ZNF816: variants seen among roughly 807,000 people sequenced by gnomAD.
ZNF816 encodes zinc finger protein 816A.
ZNF816 carries 11 observed loss-of-function variants against 8.3 expected under a neutral mutation model. The ratio of observed to expected loss-of-function variants is 1.32; its 90% CI spans 0.83 to 2.19. The LOEUF is 2.19. Among genes scored for constraint, ZNF816 ranks in the 30% most tolerant of loss-of-function variants. ZNF816 has a pLI of 0.00. For synonymous variants in ZNF816, 255 were observed against 254.5 expected, an observed-to-expected ratio of 1.00 and a Z score of -0.02; for missense variants, 710 against 779.3, an observed-to-expected ratio of 0.91 and a Z score of 1.06.
intron 3 of ZNF816, 59 bp downstream of exon 3, chr19:52,952,692 A>T (rs1234970703): frequency 6.2e-7 from 1 of 1,602,792 alleles, no homozygotes; most frequent in Non-Finnish European, 8.5e-7. Flanking sequence ...ATATAAAACC[A>T]GAAAGAGCCA....
At position 52,957,560 on chromosome 19, in the gene ZNF816, A is replaced by G. The variant is rs2083520491; in HGVS notation, c.-15-1456T>C. On this transcript the variant is annotated intron_variant, in intron 1 of 3. Coordinates refer to ENST00000444460, the MANE Select transcript of ZNF816 (RefSeq NM_001202457.3). This position sits in a 1 kb window ranked among gnomAD's most constrained non-coding sequence, Gnocchi z 4.6. Reference sequence around the variant, plus strand: ...GGAGGACCAGGCTCAACTGCCCCCAAGGAGCCCATGGTCAAGATGACAGTT... The same window carrying G: ...GGAGGACCAGGCTCAACTGCCCCCAGGGAGCCCATGGTCAAGATGACAGTT... Among the ~76,000 whole-genome samples, 1 of 152,228 alleles carries G rather than the reference A, an allele frequency of 6.6e-6. No homozygotes were observed. The highest frequency in any genetic ancestry group is 6.5e-5 in the Admixed American group (1 of 15,280).
intron 3 of ZNF816, chr19:52,952,393 CA>C: frequency 2.5e-6 from 1 of 396,946 alleles, no homozygotes; most frequent in Non-Finnish European, 4.4e-6. Flanking sequence ...AAAAAGAAAA[CA>C]AAACCACAAG....
chr19:52,953,545 CAATATTAT>C (rs2083482008), intron 2 of ZNF816, among the ~76,000 whole-genome samples: 1 of 41,176 alleles, frequency 2.4e-5, no homozygotes, highest in African/African-American at 6.0e-4. Flanking sequence ...ATATATAATA[CAATATTAT>C]ATATAATATG....
At position 52,952,894 on chromosome 19, in the gene ZNF816, G is replaced by A. The variant is rs746714099; in HGVS notation, c.64-17C>T. On this transcript the variant is annotated splice_polypyrimidine_tract_variant and intron_variant, in intron 2 of 3. Transcript: ENST00000444460. ...CAAGCGTCCCTAAAATAAAAAACAC[G>A]TTTCAACAAAACATTATGGAGGAGT... is the stretch of plus-strand genomic sequence containing the variant. The A allele has an allele frequency of 1.3e-5, 21 of 1,585,426 alleles. No homozygotes were observed. Among genetic ancestry groups the A allele is most frequent in the Admixed American group, 2.0e-5 (1 of 50,750 alleles).
In ZNF816 at chr19:52,950,506, T is replaced by G. The variant is rs373861117; in HGVS notation, c.1269A>C (p.Gly423=). Residue 423 remains glycine (G), a synonymous_variant, in exon 4 of 4, where the codon GGA becomes GGC. Coordinates refer to ENST00000444460, the MANE Select transcript of ZNF816 (RefSeq NM_001202457.3). ...ERHRKIHTGE[G]SYKCKVCDKV... The stretch of plus-strand genomic sequence containing the variant: ...TGTCACAAACCTTACATTTGTATGA[T>G]CCCTCTCCAGTATGAATCTTCCTAT... The G allele has an allele frequency of 4.3e-6, 7 of 1,613,460 alleles. No individual in the cohort carries two copies. The African/African-American group carries it at 8.0e-5, about 18-fold the overall frequency.
chr19:52,950,704 T>G lies in ZNF816; in HGVS notation c.1071A>C (p.Val357=). ...CTCCAGTATGAATTGCCTTATGAAT[T>G]ACAAGGGCTGAATTTCGACCAAAAG... ...GKTFGRNSAL[V]IHKAIHTGEK... Residue 357 remains valine, a synonymous_variant, in exon 4 of 4, where the codon GTA becomes GTC. Coordinates refer to ENST00000444460, the MANE Select transcript of ZNF816 (RefSeq NM_001202457.3). 1 of 1,614,160 alleles carries G rather than the reference T, an allele frequency of 6.2e-7. No homozygotes were observed. The highest frequency in any genetic ancestry group is 8.5e-7 in the Non-Finnish European group (1 of 1,180,028).
intron 1 of ZNF816, among the ~76,000 whole-genome samples, chr19:52,960,976 G>T (rs1254931892): frequency 2.0e-5 from 3 of 152,176 alleles, no homozygotes; most frequent in Non-Finnish European, 4.4e-5. Context: ...TTTTAGACTT[G>T]TACAGTAAAG....
In ZNF816 at chr19:52,962,167, T is replaced by C. The variant is rs902176905; in HGVS notation, c.-16+560A>G. On this transcript the variant is annotated intron_variant, in intron 1 of 3. Transcript: ENST00000444460. ...AGACTGGACGGCCCCCGCTGGACTA[T>C]ACTAGTCCAGGCACAGAGACTATAC... is the stretch of plus-strand genomic sequence containing the variant. 2.6e-5 allele frequency among the ~76,000 whole-genome samples: 4 copies of C among 152,066 alleles called. No individual in the cohort carries two copies. In the East Asian group the frequency reaches 5.8e-4, roughly 22 times the overall value.
At chr19:52,952,962 A>G in intron 2 of ZNF816, 85 bp from the exon 3 acceptor site, 1 of 1,508,940 alleles carries the variant, frequency 6.6e-7, no homozygotes, top group Non-Finnish European at 8.8e-7. Flanking sequence ...GAAAATAAGT[A>G]TTGATTTGAT....
chr19:52,961,713 T>G (rs915949814), intron 1 of ZNF816, among the ~76,000 whole-genome samples: 2 of 152,224 alleles, frequency 1.3e-5, no homozygotes, highest in Non-Finnish European at 2.9e-5. Context: ...TATAATGAGC[T>G]AAATCTGCCA....
rs951995215 is a variant in ZNF816 at position 52,957,116 on chromosome 19, C to T, written c.-15-1012G>A. On this transcript the variant is annotated intron_variant, in intron 1 of 3. Coordinates refer to ENST00000444460, the MANE Select transcript of ZNF816 (RefSeq NM_001202457.3). This position sits in a 1 kb window ranked among gnomAD's most constrained non-coding sequence, Gnocchi z 4.6. Reference sequence around the variant, plus strand: ...TTCAGGGAGCTCAGTTCTTGAGACACGAGTCCTCTGATGCGCTGGGCCGAA... The same window carrying T: ...TTCAGGGAGCTCAGTTCTTGAGACATGAGTCCTCTGATGCGCTGGGCCGAA... Among the ~76,000 whole-genome samples the T allele has an allele frequency of 1.3e-4, 20 of 152,288 alleles. No individual in the cohort carries two copies. Among genetic ancestry groups the T allele is most frequent in the African/African-American group, 3.6e-4 (15 of 41,572 alleles).
chr19:52,951,397 T>C lies in ZNF816; in HGVS notation c.378A>G (p.Glu126=). 4 of 1,614,090 alleles carry C rather than the reference T, an allele frequency of 2.5e-6. No homozygotes were observed. Among genetic ancestry groups the C allele is most frequent in the South Asian group, 2.2e-5 (2 of 91,084 alleles). ...QWQEVERNGH[E]APMTKIKKLT... ...ACTTTTTGATTTTTGTCATGGGTGC[T>C]TCATGGCCATTTCTTTCAACTTCTT... Residue 126 remains glutamate, a synonymous_variant, in exon 4 of 4, where the codon GAA becomes GAG. Coordinates refer to ENST00000444460, the MANE Select transcript of ZNF816 (RefSeq NM_001202457.3).
intron 1 of ZNF816, among the ~76,000 whole-genome samples, chr19:52,962,448 G>A (rs748517607): frequency 2.0e-5 from 3 of 151,928 alleles, no homozygotes; most frequent in Non-Finnish European, 2.9e-5. Flanking sequence ...GCCCAGGAGT[G>A]GCCACAAAGC....
rs145204396 is a variant in ZNF816, at chr19:52,961,895, C to T, written c.-16+832G>A. ...CACTGATCCAGTTCCTCACACAATT[C>T]CAGCTCAGAAGGCCCAAACTAGCAA... On this transcript the variant is annotated intron_variant, in intron 1 of 3. Coordinates refer to ENST00000444460, the MANE Select transcript of ZNF816 (RefSeq NM_001202457.3). Among the ~76,000 whole-genome samples, 973 of 152,274 alleles carry T rather than the reference C, an allele frequency of 6.4e-3. 2 individuals are homozygous for T. The highest frequency in any genetic ancestry group is 0.027 in the Middle Eastern group (8 of 294).
chr19:52,959,533 T>C (rs1239448444), intron 1 of ZNF816, among the ~76,000 whole-genome samples: 1 of 152,200 alleles, frequency 6.6e-6, no homozygotes, highest in Non-Finnish European at 1.5e-5. Context: ...ACACTGCCAT[T>C]GATGCCAGAT....
In ZNF816 at chr19:52,951,539, C is replaced by T. The variant is rs750235231; in HGVS notation, c.236G>A (p.Ser79Asn). The change falls in exon 4 of 4, where the codon AGT becomes AAT. Residue 79 changes from serine to asparagine, a missense_variant. By Grantham distance (46) the Ser-to-Asn change is conservative. Transcript: ENST00000444460. ...SMMEFSSTRH[S>N]ITGEVIHTGT... is the part of the protein sequence containing the mutation. ...TGTGTGGATCACTTCTCCTGTAATA[C>T]TGTGCCTGGTTGATGAGAACTCCAT... 6.3e-7 allele frequency: 1 copy of T among 1,591,176 alleles called. No homozygotes were observed. The highest frequency in any genetic ancestry group is 1.1e-5 in the South Asian group (1 of 86,992).
intron 1 of ZNF816, among the ~76,000 whole-genome samples, chr19:52,961,209 A>G (rs1027911273): frequency 6.6e-6 from 1 of 152,164 alleles, no homozygotes; most frequent in Non-Finnish European, 1.5e-5. Flanking sequence ...TCCTGCAACC[A>G]CCGTTTTTCA....
In ZNF816 at chr19:52,957,900, C is replaced by A. The variant is rs2083524000; in HGVS notation, c.-15-1796G>T. ...GGAGTCATTATGGCCCTTACAGTCC[C>A]CCAGGAAGAGGAATGGAGACTTCTT... is the stretch of plus-strand genomic sequence containing the variant. On this transcript the variant is annotated intron_variant, in intron 1 of 3. Coordinates refer to ENST00000444460, the MANE Select transcript of ZNF816 (RefSeq NM_001202457.3). The surrounding 1 kb of genome is among the most constrained non-coding windows in gnomAD (Gnocchi z 4.6). Among the ~76,000 whole-genome samples, 1 of 152,126 alleles carries A rather than the reference C, an allele frequency of 6.6e-6. No individual in the cohort carries two copies. Among genetic ancestry groups the A allele is most frequent in the South Asian group, 2.1e-4 (1 of 4,826 alleles).
chr19:52,960,490 G>A (rs1231099605), intron 1 of ZNF816, among the ~76,000 whole-genome samples: 2 of 152,308 alleles, frequency 1.3e-5, no homozygotes, highest in South Asian at 2.1e-4. Flanking sequence ...TAAAGATCAC[G>A]TGGAAACTGC....
Sources: allele counts gnomAD v4.1 joint callset (sites outside exome capture counted in the v4.1 genomes callset), GRCh38; gene constraint gnomAD v4.1.1; non-coding constraint Gnocchi (gnomAD v3.1); transcripts MANE v1.5; gene names NCBI Gene and HGNC (gene_info 2026-07-23, HGNC 2026-07-21).